Variants in CCDC14 observed in about 807,000 individuals in gnomAD.
CCDC14 encodes the protein coiled-coil domain containing 14.
Under a neutral mutation model 81.4 loss-of-function variants are expected in CCDC14, and 71 were observed. The ratio of observed to expected loss-of-function variants is 0.87; its 90% CI spans 0.72 to 1.06. The LOEUF (loss-of-function observed/expected upper bound fraction) is 1.06, where lower values mean the gene tolerates loss of function less well. Among genes scored for constraint, CCDC14 ranks in the 50% least tolerant of loss-of-function variants. The probability of loss-of-function intolerance (pLI) is 0.00; values close to 1 mark genes in which losing one functional copy is unlikely to be tolerated. For missense variants in CCDC14, 1,046 were observed against 1,047.3 expected (o/e 1.00, Z 0.02); for synonymous variants, 332 against 364.8 (o/e 0.91, Z 1.03).
In CCDC14 at chr3:123,931,361, G is replaced by C; in HGVS notation, c.1592C>G (p.Thr531Ser). 6.6e-7 allele frequency: 1 copy of C among 1,522,360 alleles called. No homozygotes were observed. Among genetic ancestry groups the C allele is most frequent in the Non-Finnish European group, 8.9e-7 (1 of 1,120,476 alleles). The allele number at this position is 1,522,360 out of a possible 1,614,324, so 94.3% of individuals were successfully genotyped here. Residue 531 changes from threonine to serine, a missense_variant, in exon 11 of 13, where the codon ACT becomes AGT. Transcript: ENST00000409697. ...FSSIFKDKDQ[T>S]ILENKQQYDI... ...ATATTGCTGTTTATTTTCAAGTATA[G>C]TTTGATCTTTGTCTTTAAATATACT...
intron 12 of CCDC14, among the ~76,000 whole-genome samples, chr3:123,916,859 A>G (rs1368111356): frequency 6.6e-6 from 1 of 151,780 alleles, no homozygotes; most frequent in African/African-American, 2.4e-5. Flanking sequence ...TATTTTTTTG[A>G]GATGGAGTCT....
At chr3:123,925,369 A>G (rs1334400775) in intron 12 of CCDC14, among the ~76,000 whole-genome samples, 1 of 152,136 alleles carries the variant, frequency 6.6e-6, no homozygotes, top group Non-Finnish European at 1.5e-5. Context: ...GGGAGATGTT[A>G]GTCAAAGGGT....
chr3:123,931,600 TAAA>T lies in CCDC14; in HGVS notation c.1427-77_1427-75del, dbSNP rs10573718. On this transcript the variant is annotated intron_variant, in intron 10 of 12. Transcript: ENST00000409697. Reference sequence around the variant, plus strand: ...ACAAACTTGGAAAATACCTGTTTCTTAAAAAAAAAAAAAAAAGGCCTGAAATTT... The same window carrying T: ...ACAAACTTGGAAAATACCTGTTTCTTAAAAAAAAAAAAAGGCCTGAAATTT... The T allele has an allele frequency of 9.7e-3, 5,050 of 520,328 alleles. 2 individuals are homozygous for T. Among genetic ancestry groups the T allele is most frequent in the East Asian group, 0.052 (1,412 of 27,076 alleles). 32.2% of individuals were successfully genotyped at this position (520,328 alleles called of 1,614,324 possible). A position where few individuals can be genotyped will look rare whatever the true frequency, so the allele number is the denominator to read the frequency against.
chr3:123,934,270 C>CAAAAAAAAAAAAAAAAAAAA (rs61094944), intron 9 of CCDC14, among the ~76,000 whole-genome samples: 4 of 52,290 alleles, frequency 7.6e-5, no homozygotes, highest in African/African-American at 3.4e-4. Flanking sequence ...GACTCTGCCT[C>CAAAAAAAAAAAAAAAAAAAA]AAAAAAAAAA....
At chr3:123,943,831 T>G (rs926374800) in intron 9 of CCDC14, among the ~76,000 whole-genome samples, 1 of 152,166 alleles carries the variant, frequency 6.6e-6, no homozygotes. Context: ...TCCATGCCCT[T>G]TCTCCAATAC....
At chr3:123,907,776 C>T (rs1327951621) in intron 5 of CCDC14, among the ~76,000 whole-genome samples, 1 of 151,722 alleles carries the variant, frequency 6.6e-6, no homozygotes, top group African/African-American at 2.4e-5. Context: ...GAAATTTAGT[C>T]TGCTAGCCTT....
chr3:123,914,236 A>G lies in CCDC14; in HGVS notation c.*543T>C. On this transcript the variant is annotated 3_prime_UTR_variant, in exon 13 of 13. Coordinates refer to ENST00000409697, the MANE Select transcript of CCDC14 (RefSeq NM_001366335.1). ...ATGTTATCTATATATTTTTTAGACC[A>G]ATCAATGTTTTTTAAGAGGTGTAGA... is the stretch of plus-strand genomic sequence containing the variant. The G allele has an allele frequency of 8.1e-6, 8 of 984,370 alleles. No individual in the cohort carries two copies. The highest frequency in any genetic ancestry group is 9.7e-6 in the Non-Finnish European group (8 of 828,600). 61.0% of individuals were successfully genotyped at this position (984,370 alleles called of 1,614,324 possible).
intron 9 of CCDC14, 97 bp from the exon 10 acceptor site, chr3:123,933,852 C>T: frequency 1.3e-6 from 1 of 774,852 alleles, no homozygotes; most frequent in Admixed American, 2.7e-5. Flanking sequence ...CATAAACCCA[C>T]TAAGACAGCA....
At chr3:123,898,297 T>C (rs1375634957) in intron 5 of CCDC14, among the ~76,000 whole-genome samples, 1 of 152,238 alleles carries the variant, frequency 6.6e-6, no homozygotes, top group Non-Finnish European at 1.5e-5. Flanking sequence ...GCAAAGCATA[T>C]CAGCAGAGTG....
At chr3:123,941,648 G>A (rs1401119910) in intron 9 of CCDC14, among the ~76,000 whole-genome samples, 2 of 151,888 alleles carry the variant, frequency 1.3e-5, no homozygotes, top group Non-Finnish European at 2.9e-5. Flanking sequence ...TCATCTTTTA[G>A]AAGGTCAAGT....
At position 123,913,514 on chromosome 3, in the gene CCDC14, C is replaced by T. The variant is rs1260707081; in HGVS notation, c.*1265G>A. 1 of 980,128 alleles carries T rather than the reference C, an allele frequency of 1.0e-6. No individual in the cohort carries two copies. Among genetic ancestry groups the T allele is most frequent in the South Asian group, 4.7e-5 (1 of 21,170 alleles). 60.7% of individuals were successfully genotyped at this position (980,128 alleles called of 1,614,324 possible). A position where few individuals can be genotyped will look rare whatever the true frequency, so the allele number is the denominator to read the frequency against. ...CAAATAAGATGCCAATAAATTAATT[C>T]ATGAATACTAAATAAAATTAAAGAT... On this transcript the variant is annotated 3_prime_UTR_variant, in exon 13 of 13. Coordinates refer to ENST00000409697, the MANE Select transcript of CCDC14 (RefSeq NM_001366335.1).
intron 12 of CCDC14, among the ~76,000 whole-genome samples, chr3:123,927,799 A>C (rs1160936648): frequency 6.7e-6 from 1 of 149,410 alleles, no homozygotes; most frequent in Non-Finnish European, 1.5e-5. Flanking sequence ...AATGTTAAGG[A>C]AAAAAAAAAG....
chr3:123,947,168 T>G lies in CCDC14; in HGVS notation c.836A>C (p.Gln279Pro). The G allele has an allele frequency of 1.2e-6, 2 of 1,613,952 alleles. No individual in the cohort carries two copies. Among genetic ancestry groups the G allele is most frequent in the Non-Finnish European group, 1.7e-6 (2 of 1,179,882 alleles). ...AATTCCATTAACAAGGCCCAGTTGC[T>G]GCAATGTTGGAATAGCTGATATGTC... ...KTDISAIPTL[Q>P]QLGLVNGILP... The change falls in exon 8 of 13, where the codon CAG becomes CCG. Residue 279 changes from glutamine (Q) to proline (P), a missense_variant. Transcript: ENST00000409697.
At chr3:123,901,346 C>T (rs2034175785) in intron 5 of CCDC14, among the ~76,000 whole-genome samples, 2 of 151,482 alleles carry the variant, frequency 1.3e-5, no homozygotes, top group Admixed American at 6.6e-5. Context: ...AGCAAGAATA[C>T]AAAATATATT....
chr3:123,935,753 G>A (rs1577283805), intron 9 of CCDC14, among the ~76,000 whole-genome samples: 2 of 152,272 alleles, frequency 1.3e-5, no homozygotes, highest in East Asian at 3.9e-4. Context: ...TAATCCTTTT[G>A]TATGTCCCTG....
At chr3:123,941,831 A>G (rs529723821) in intron 9 of CCDC14, among the ~76,000 whole-genome samples, 123 of 152,214 alleles carry the variant, frequency 8.1e-4, no homozygotes, top group Non-Finnish European at 1.3e-3. Context: ...TGAGTGGCTT[A>G]TGAATTAGCT....
At chr3:123,948,646 G>T in intron 7 of CCDC14, 45 bp downstream of exon 7, 2 of 1,356,916 alleles carry the variant, frequency 1.5e-6, no homozygotes, top group Non-Finnish European at 2.0e-6. Flanking sequence ...CTGAATGACT[G>T]CTATAAGCAA....
In CCDC14 at chr3:123,955,904, G is replaced by C. The variant is rs776911855; in HGVS notation, c.291C>G (p.Tyr97Ter). Reference protein sequence around the residue: ...SNSRPLESKRYGSKKKRHEKH... With the variant: ...SNSRPLESKR ...TTTCATGTCTTTTCTTTTTTGATCC[G>C]TATCTTTTGCTTTCTAAAGGTCTAG... is the stretch of plus-strand genomic sequence containing the variant. Residue 97 changes from tyrosine (Y) to a stop codon, truncating the protein, a stop_gained, in exon 5 of 13, where the codon TAC (tyrosine) becomes TAG (stop). Transcript: ENST00000409697. LOFTEE classifies it high-confidence loss of function. 9 of 1,534,226 alleles carry C rather than the reference G, an allele frequency of 5.9e-6. No homozygotes were observed. Among genetic ancestry groups the C allele is most frequent in the Non-Finnish European group, 7.9e-6 (9 of 1,136,282 alleles).
chr3:123,959,819 A>G (rs1340119256), intron 1 of CCDC14, among the ~76,000 whole-genome samples: 1 of 129,242 alleles, frequency 7.7e-6, no homozygotes, highest in Non-Finnish European at 1.5e-5. Flanking sequence ...ATACCTAGAT[A>G]TTTGCAATTT....
Sources: allele counts gnomAD v4.1 joint callset (sites outside exome capture counted in the v4.1 genomes callset), GRCh38; gene constraint gnomAD v4.1.1; transcripts MANE v1.5; gene names NCBI Gene and HGNC (gene_info 2026-07-23, HGNC 2026-07-21).